Variants in CHPF2 observed in about 807,000 individuals in gnomAD.
The protein encoded by CHPF2 is chondroitin polymerizing factor 2, also known as chondroitin polymerizing factor 2, non-catalytic subunit.
CHPF2 carries 58 observed loss-of-function variants against 63.0 expected under a neutral mutation model. The ratio of observed to expected loss-of-function variants is 0.92; its 90% CI spans 0.75 to 1.15. The LOEUF is 1.15. Ranked by LOEUF, CHPF2 falls within the 50% of genes most tolerant of loss-of-function variation. The probability of loss-of-function intolerance (pLI) is 0.00; values close to 1 mark genes in which losing one functional copy is unlikely to be tolerated. For missense variants in CHPF2, 1,045 were observed against 1,035.4 expected (o/e 1.01, Z -0.13); for synonymous variants, 442 against 438.0 (o/e 1.01, Z -0.11).
intron 1 of CHPF2, 49 bp downstream of exon 1, chr7:151,234,323 G>C: frequency 7.1e-7 from 1 of 1,409,316 alleles, no homozygotes; most frequent in Non-Finnish European, 9.4e-7. Flanking sequence ...CCTGTTTTGG[G>C]CTGGTGTAAA....
chr7:151,235,551 A>G lies in CHPF2; in HGVS notation c.767A>G (p.Asp256Gly). ...CRGDILSARPDEWLGRCLIDS... is the reference protein window; with the variant it reads ...CRGDILSARPGEWLGRCLIDS... ...GGAGACATTCTCAGTGCCCGTCCTG[A>G]CGAGTGGCTTGGACGCTGCCTCATT... Residue 256 changes from aspartate (D) to glycine (G), a missense_variant, in exon 2 of 4, where the codon GAC (aspartate) becomes GGC (glycine). Asp to Gly is a moderately conservative substitution (Grantham distance 94). Coordinates refer to ENST00000035307, the MANE Select transcript of CHPF2 (RefSeq NM_019015.3). The G allele has an allele frequency of 6.2e-7, 1 of 1,610,884 alleles. No homozygotes were observed.
rs117770710 is a variant in CHPF2, at chr7:151,236,624, G to A, written c.1011+34G>A. 8.3e-4 allele frequency: 1,258 copies of A among 1,507,802 alleles called. 21 individuals are homozygous for A. In the East Asian group the frequency reaches 0.025, roughly 30 times the overall value. 93.4% of individuals were successfully genotyped at this position (1,507,802 alleles called of 1,614,324 possible). A position where few individuals can be genotyped will look rare whatever the true frequency, so the allele number is the denominator to read the frequency against. On this transcript the variant is annotated intron_variant, in intron 3 of 3. Transcript: ENST00000035307. ...AAGAGGAGCAGGTGGGCAGAGGACC[G>A]CAGTCAGAGGGTCAGAGAGAGCCTG...
At chr7:151,236,374 T>G in intron 2 of CHPF2, 34 bp from the exon 3 acceptor site, 1 of 1,530,010 alleles carries the variant, frequency 6.5e-7, no homozygotes, top group Non-Finnish European at 8.8e-7. Flanking sequence ...GCAGCTCTTG[T>G]GTGTGTCATT....
In CHPF2 at chr7:151,232,616, G is replaced by C. The variant is rs1209485083; in HGVS notation, c.-1396G>C. On this transcript the variant is annotated 5_prime_UTR_variant, in exon 1 of 4. Coordinates refer to ENST00000035307, the MANE Select transcript of CHPF2 (RefSeq NM_019015.3). ...CAGGCGCGTGCGGGACGCCGCTCTT[G>C]GTCCCCACGCCTCCGCCCCGCCCCC... 9.6e-6 allele frequency: 7 copies of C among 729,762 alleles called. No individual in the cohort carries two copies. The highest frequency in any genetic ancestry group is 1.5e-5 in the Non-Finnish European group (7 of 478,518). 45.2% of individuals were successfully genotyped at this position (729,762 alleles called of 1,614,324 possible). A position where few individuals can be genotyped will look rare whatever the true frequency, so the allele number is the denominator to read the frequency against.
chr7:151,232,504 C>G lies in CHPF2; in HGVS notation c.-1508C>G. The G allele has an allele frequency of 2.0e-6, 1 of 498,444 alleles. No individual in the cohort carries two copies. Among genetic ancestry groups the G allele is most frequent in the Non-Finnish European group, 3.5e-6 (1 of 283,318 alleles). 30.9% of individuals were successfully genotyped at this position (498,444 alleles called of 1,614,324 possible). ...CGGAAGAGGAAGCTGCGGACAGGGGCTGTGAGGTGGCAGCGGCTGCAGCGG... is the reference window on the plus strand; with the variant it reads ...CGGAAGAGGAAGCTGCGGACAGGGGGTGTGAGGTGGCAGCGGCTGCAGCGG... On this transcript the variant is annotated 5_prime_UTR_variant, in exon 1 of 4. Transcript: ENST00000035307.
chr7:151,238,168 A>G lies in CHPF2; in HGVS notation c.1806A>G (p.Glu602=), dbSNP rs1802745593. ...CCGTGTGGACAAGGCCTGGGCCCGA[A>G]GTCCTCAACCGCTGTCGCATGAATG... ...LTTVWTRPGP[E]VLNRCRMNAI... Residue 602 remains glutamate, a synonymous_variant, in exon 4 of 4, where the codon GAA becomes GAG. Transcript: ENST00000035307. The G allele has an allele frequency of 6.2e-7, 1 of 1,612,688 alleles. No individual in the cohort carries two copies. Among genetic ancestry groups the G allele is most frequent in the Admixed American group, 1.7e-5 (1 of 60,008 alleles).
chr7:151,237,895 A>G lies in CHPF2; in HGVS notation c.1533A>G (p.Ala511=), dbSNP rs1421063326. 2.5e-6 allele frequency: 4 copies of G among 1,612,780 alleles called. No homozygotes were observed. The highest frequency in any genetic ancestry group is 1.7e-5 in the Admixed American group (1 of 60,032). ...AAAPAFLEAF[A]ANVLEPREHA... Reference sequence around the variant, plus strand: ...CCCCGGCTTTCCTCGAGGCCTTTGCAGCCAATGTCCTGGAGCCACGAGAAC... The same window carrying G: ...CCCCGGCTTTCCTCGAGGCCTTTGCGGCCAATGTCCTGGAGCCACGAGAAC... Residue 511 remains alanine, a synonymous_variant, in exon 4 of 4, where the codon GCA becomes GCG. Transcript: ENST00000035307.
rs922444568 is a variant in CHPF2 at position 151,233,392 on chromosome 7, C to T, written c.-620C>T. 7.1e-6 allele frequency: 7 copies of T among 985,644 alleles called. No individual in the cohort carries two copies. In the African/African-American group the frequency reaches 1.2e-4, roughly 17 times the overall value. The allele number at this position is 985,644 out of a possible 1,614,324, so 61.1% of individuals were successfully genotyped here. On this transcript the variant is annotated 5_prime_UTR_variant, in exon 1 of 4. Transcript: ENST00000035307. ...GGAGGGGTTCCTGTAGCCGTTGCGT[C>T]TTCTCAAACACGGGGAGCAGAGTAG...
chr7:151,237,229 A>G (rs1584855870), intron 3 of CHPF2, 145 bp from the exon 4 acceptor site: 7 of 621,032 alleles, frequency 1.1e-5, no homozygotes, highest in Non-Finnish European at 2.0e-5. Context: ...CGTACAAGGG[A>G]TTCAGTGATT....
chr7:151,238,704 A>G lies in CHPF2; in HGVS notation c.*23A>G. ...TAGCCCGCCTGGGGGCCCTAACCTC[A>G]TTACCTTTCCTTTGTCTGCCTCAGC... is the stretch of plus-strand genomic sequence containing the variant. On this transcript the variant is annotated 3_prime_UTR_variant, in exon 4 of 4. Transcript: ENST00000035307. The G allele has an allele frequency of 6.2e-7, 1 of 1,605,248 alleles. No individual in the cohort carries two copies. The highest frequency in any genetic ancestry group is 1.1e-5 in the South Asian group (1 of 89,742).
chr7:151,232,515 C>G lies in CHPF2; in HGVS notation c.-1497C>G, dbSNP rs997784815. 2 of 502,226 alleles carry G rather than the reference C, an allele frequency of 4.0e-6. No homozygotes were observed. Among genetic ancestry groups the G allele is most frequent in the Admixed American group, 4.3e-5 (1 of 23,220 alleles). 31.1% of individuals were successfully genotyped at this position (502,226 alleles called of 1,614,324 possible). On this transcript the variant is annotated 5_prime_UTR_variant, in exon 1 of 4. Coordinates refer to ENST00000035307, the MANE Select transcript of CHPF2 (RefSeq NM_019015.3). ...GCTGCGGACAGGGGCTGTGAGGTGG[C>G]AGCGGCTGCAGCGGCGGAGCCGGCG...
chr7:151,235,516 T>C lies in CHPF2; in HGVS notation c.732T>C (p.Asp244=), dbSNP rs777582851. 6.8e-6 allele frequency: 11 copies of C among 1,611,466 alleles called. No individual in the cohort carries two copies. In the East Asian group the frequency reaches 2.5e-4, roughly 36 times the overall value. Residue 244 remains aspartate (D), a synonymous_variant, in exon 2 of 4, where the codon GAT becomes GAC. Coordinates refer to ENST00000035307, the MANE Select transcript of CHPF2 (RefSeq NM_019015.3). ...SLLLRLRPHL[D]GCRGDILSAR... ...TGCTTCGTCTGCGGCCACATCTGGA[T>C]GGCTGCCGAGGAGACATTCTCAGTG...
At chr7:151,237,170 A>G (rs1802687041) in intron 3 of CHPF2, 2 of 621,298 alleles carry the variant, frequency 3.2e-6, no homozygotes, top group African/African-American at 3.7e-5. Flanking sequence ...GCATTTGTGT[A>G]AGGTGAGTAT....
rs375768075 is a variant in CHPF2 at position 151,238,390 on chromosome 7, C to T, written c.2028C>T (p.Asn676=). The T allele has an allele frequency of 2.7e-5, 44 of 1,605,894 alleles. No homozygotes were observed. The highest frequency in any genetic ancestry group is 6.7e-5 in the African/African-American group (5 of 74,782). The change falls in exon 4 of 4, where the codon AAC becomes AAT. Residue 676 remains asparagine, a synonymous_variant. Transcript: ENST00000035307. ...CTTCTGCGGAGGGCTGCTTCTACAA[C>T]GCTGACTACCTGGCGGCCCGAGCCC... is the stretch of plus-strand genomic sequence containing the variant. ...RQASAEGCFY[N]ADYLAARARL... is the part of the protein sequence containing the mutation.
intron 1 of CHPF2, among the ~76,000 whole-genome samples, chr7:151,234,483 TTTTTTGTTTG>T (rs1470786563): frequency 6.6e-6 from 1 of 152,194 alleles, no homozygotes; most frequent in Non-Finnish European, 1.5e-5. Flanking sequence ...GGGTTCGATG[TTTTTTGTTTG>T]TTTTTGTTTT....
rs1401592221 is a variant in CHPF2 at position 151,233,510 on chromosome 7, G to A, written c.-502G>A. The A allele has an allele frequency of 4.1e-6, 4 of 985,902 alleles. No homozygotes were observed. The African/African-American group carries it at 5.2e-5, about 13-fold the overall frequency. The allele number at this position is 985,902 out of a possible 1,614,324, so 61.1% of individuals were successfully genotyped here. On this transcript the variant is annotated 5_prime_UTR_variant, in exon 1 of 4. Transcript: ENST00000035307. ...AGCCCGCCTGAGGACCGATGCCAGA[G>A]GCAGGCATTCTTCCGGAAAGGCCCA...
In CHPF2 at chr7:151,232,520, G is replaced by C. The variant is rs956177162; in HGVS notation, c.-1492G>C. ...GGACAGGGGCTGTGAGGTGGCAGCGGCTGCAGCGGCGGAGCCGGCGCCTCA... is the reference window on the plus strand; with the variant it reads ...GGACAGGGGCTGTGAGGTGGCAGCGCCTGCAGCGGCGGAGCCGGCGCCTCA... On this transcript the variant is annotated 5_prime_UTR_variant, in exon 1 of 4. Transcript: ENST00000035307. 2.0e-6 allele frequency: 1 copy of C among 504,902 alleles called. No homozygotes were observed. The allele number at this position is 504,902 out of a possible 1,614,324, so 31.3% of individuals were successfully genotyped here.
Position 151,234,082 on chromosome 7 carries a change from G to A in CHPF2, c.71G>A (p.Cys24Tyr). The change falls in exon 1 of 4, where the codon TGC (cysteine) becomes TAC (tyrosine). Residue 24 changes from cysteine to tyrosine, a missense_variant. By Grantham distance (194) the Cys-to-Tyr change is radical (BLOSUM62 -2). Coordinates refer to ENST00000035307, the MANE Select transcript of CHPF2 (RefSeq NM_019015.3). ...CTCATCTTAGGGCTGTCTCTGGGGT[G>A]CAGCCTGAGCCTCCTGCGGGTTTCC... ...LPLILGLSLG[C>Y]SLSLLRVSWI... The A allele has an allele frequency of 1.2e-6, 2 of 1,604,356 alleles. No individual in the cohort carries two copies. Among genetic ancestry groups the A allele is most frequent in the Non-Finnish European group, 8.5e-7 (1 of 1,175,252 alleles).
Position 151,238,013 on chromosome 7 carries a change from G to T in CHPF2, c.1651G>T (p.Glu551Ter). 8.7e-6 allele frequency: 14 copies of T among 1,613,024 alleles called. No individual in the cohort carries two copies. The highest frequency in any genetic ancestry group is 1.2e-5 in the Non-Finnish European group (14 of 1,180,038). The change falls in exon 4 of 4, where the codon GAG becomes TAG. Residue 551 changes from glutamate (E) to a stop codon, truncating the protein, a stop_gained. Coordinates refer to ENST00000035307, the MANE Select transcript of CHPF2 (RefSeq NM_019015.3). LOFTEE classifies it high-confidence loss of function. ...TCTTGGGGTGAAGGCTGCAGCAGCG[G>T]AGTTAGAGCGACGGTACCCTGGGAC... ...PFLGVKAAAA[E>*]LERRYPGTRL...
Sources: gnomAD v4.1 joint callset for allele counts (sites outside exome capture counted in the v4.1 genomes callset) on GRCh38, gnomAD v4.1.1 for gene constraint, MANE v1.5 for transcripts, NCBI Gene and HGNC (gene_info 2026-07-23, HGNC 2026-07-21) for gene names.